AGAP1: variants seen among roughly 807,000 people sequenced by gnomAD.
AGAP1 encodes arf-GAP with GTPase, ANK repeat and PH domain-containing protein 1.
In AGAP1, 29 loss-of-function variants were observed where a neutral mutation model predicts 105.3. That is an observed-to-expected ratio of 0.28 (90% CI 0.21 to 0.38). The LOEUF (loss-of-function observed/expected upper bound fraction) is 0.38, where lower values mean the gene tolerates loss of function less well. Among genes scored for constraint, AGAP1 ranks in the 10% least tolerant of loss-of-function variants. The pLI, the probability that AGAP1 is intolerant of heterozygous loss-of-function variation, is 1.00. For synonymous variants in AGAP1, 509 were observed against 485.9 expected (o/e 1.05, Z -0.63); for missense variants, 998 against 1,165.1 (o/e 0.86, Z 2.09).
chr2:235,571,627 G>A (rs1184868474), intron 1 of AGAP1, among the ~76,000 whole-genome samples: 4 of 152,014 alleles, frequency 2.6e-5, no homozygotes, highest in Non-Finnish European at 5.9e-5. Flanking sequence ...TTATTTCCTG[G>A]GTAGCCCTTT....
intron 1 of AGAP1, among the ~76,000 whole-genome samples, chr2:235,627,740 T>C (rs1379090798): frequency 2.0e-5 from 3 of 152,134 alleles, no homozygotes; most frequent in South Asian, 2.1e-4. Context: ...GCAATACTCC[T>C]GTTTGAGATT....
intron 6 of AGAP1, among the ~76,000 whole-genome samples, chr2:235,764,544 G>A (rs1954752847): frequency 6.6e-6 from 1 of 152,260 alleles, no homozygotes; most frequent in South Asian, 2.1e-4. Flanking sequence ...GTCACTGACA[G>A]GTCACTGCCA....
chr2:236,055,348 C>T lies in AGAP1; in HGVS notation c.2114+6067C>T, dbSNP rs78171557. 9.4e-3 allele frequency among the ~76,000 whole-genome samples: 1,427 copies of T among 152,326 alleles called. 20 individuals carry two copies. Among genetic ancestry groups the T allele is most frequent in the African/African-American group, 0.031 (1,300 of 41,576 alleles). On this transcript the variant is annotated intron_variant, in intron 16 of 17. Transcript: ENST00000304032. The surrounding 1 kb of genome is among the most constrained non-coding windows in gnomAD (Gnocchi z 6.2). ...TGTGTGGCTTTATGTGCCTTGTTTT[C>T]ATGTGTTTCTTTCAGTGCTCTCAGG...
chr2:236,098,405 T>C (rs9287596), intron 16 of AGAP1, among the ~76,000 whole-genome samples: 20,253 of 151,648 alleles, frequency 0.13, 1,909 homozygotes, highest in African/African-American at 0.26. Context: ...ACTTCATCTT[T>C]GCTAAAAATA....
In AGAP1 at chr2:235,665,082, G is replaced by A. The variant is rs184397727; in HGVS notation, c.164-44097G>A. On this transcript the variant is annotated intron_variant, in intron 1 of 17. Transcript: ENST00000304032. This position sits in a 1 kb window ranked among gnomAD's most constrained non-coding sequence, Gnocchi z 5.3. Reference sequence around the variant, plus strand: ...ACAAAAAAATTTAAAAATTAGCCAGGGGTGGTGACATGTGCCTGTGGTCCC... The same window carrying A: ...ACAAAAAAATTTAAAAATTAGCCAGAGGTGGTGACATGTGCCTGTGGTCCC... Among the ~76,000 whole-genome samples, 35 of 152,246 alleles carry A rather than the reference G, an allele frequency of 2.3e-4. No individual in the cohort carries two copies. Among genetic ancestry groups the A allele is most frequent in the African/African-American group, 7.0e-4 (29 of 41,544 alleles).
At position 235,992,282 on chromosome 2, in the gene AGAP1, C is replaced by T. The variant is rs911515053; in HGVS notation, c.1645+23659C>T. Reference sequence around the variant, plus strand: ...CTGGGTTTGAGTTGCAGCTCCACCTCTTCCTGGCGGGTGGCCTGGGCGAGT... The same window carrying T: ...CTGGGTTTGAGTTGCAGCTCCACCTTTTCCTGGCGGGTGGCCTGGGCGAGT... On this transcript the variant is annotated intron_variant, in intron 13 of 17. Coordinates refer to ENST00000304032, the MANE Select transcript of AGAP1 (RefSeq NM_001037131.3). This position sits in a 1 kb window ranked among gnomAD's most constrained non-coding sequence, Gnocchi z 4.8. Among the ~76,000 whole-genome samples, 4 of 152,236 alleles carry T rather than the reference C, an allele frequency of 2.6e-5. No homozygotes were observed. The highest frequency in any genetic ancestry group is 1.3e-4 in the Admixed American group (2 of 15,288).
intron 1 of AGAP1, among the ~76,000 whole-genome samples, chr2:235,641,098 A>C: frequency 6.6e-6 from 1 of 152,214 alleles, no homozygotes; most frequent in East Asian, 1.9e-4. Context: ...GTGATTAGAG[A>C]GTATTTCCCA....
chr2:236,016,857 T>C (rs887030523), intron 13 of AGAP1, among the ~76,000 whole-genome samples: 11 of 152,202 alleles, frequency 7.2e-5, no homozygotes, highest in African/African-American at 2.7e-4. Flanking sequence ...TTCTCAGTTA[T>C]AGTAAGTTTC....
intron 1 of AGAP1, among the ~76,000 whole-genome samples, chr2:235,518,329 T>C (rs1193147559): frequency 6.6e-6 from 1 of 152,230 alleles, no homozygotes; most frequent in Non-Finnish European, 1.5e-5. Flanking sequence ...TCTCCTCCAC[T>C]GACAGTGATC....
rs1031442908 is a variant in AGAP1, at chr2:236,096,351, A to G, written c.2115-23841A>G. On this transcript the variant is annotated intron_variant, in intron 16 of 17. Coordinates refer to ENST00000304032, the MANE Select transcript of AGAP1 (RefSeq NM_001037131.3). The surrounding 1 kb of genome is among the most constrained non-coding windows in gnomAD (Gnocchi z 4.4). ...ACCCATCTCTACTAAAAATACAAAAATTAGCTGGGCATGGTGGTGTGCACC... is the reference window on the plus strand; with the variant it reads ...ACCCATCTCTACTAAAAATACAAAAGTTAGCTGGGCATGGTGGTGTGCACC... 6.6e-6 allele frequency among the ~76,000 whole-genome samples: 1 copy of G among 151,900 alleles called. No individual in the cohort carries two copies. The highest frequency in any genetic ancestry group is 1.5e-5 in the Non-Finnish European group (1 of 67,996).
In AGAP1 at chr2:235,928,307, G is replaced by A. The variant is rs1328828612; in HGVS notation, c.1325-2458G>A. On this transcript the variant is annotated intron_variant, in intron 11 of 17. Transcript: ENST00000304032. Reference sequence around the variant, plus strand: ...CTCCCCAAACGCACCTTCGATGGGTGGATGTGTGGGATTGAGAGAGAGAAG... The same window carrying A: ...CTCCCCAAACGCACCTTCGATGGGTAGATGTGTGGGATTGAGAGAGAGAAG... 3.3e-5 allele frequency among the ~76,000 whole-genome samples: 5 copies of A among 152,210 alleles called. No homozygotes were observed. The East Asian group carries it at 9.6e-4, about 29-fold the overall frequency.
intron 11 of AGAP1, among the ~76,000 whole-genome samples, chr2:235,925,035 CAGGGAAGGATGGAAGGGA>C (rs1242901464): frequency 6.6e-6 from 1 of 152,134 alleles, no homozygotes; most frequent in African/African-American, 2.4e-5. Flanking sequence ...GAGTGGAAGT[CAGGGAAGGATGGAAGGGA>C]AGGGAAGAAT....
In AGAP1 at chr2:235,993,654, G is replaced by A. The variant is rs148148038; in HGVS notation, c.1645+25031G>A. ...GAATGTTGCAGCCTGTGTCCCTGTT[G>A]GAGTTTTTGCTGCCCAATACCAAAT... On this transcript the variant is annotated intron_variant, in intron 13 of 17. Transcript: ENST00000304032. The surrounding 1 kb of genome is among the most constrained non-coding windows in gnomAD (Gnocchi z 5.0). 0.016 allele frequency among the ~76,000 whole-genome samples: 2,478 copies of A among 152,252 alleles called. 21 individuals are homozygous for A. The highest frequency in any genetic ancestry group is 0.027 in the Non-Finnish European group (1,835 of 68,018).
intron 9 of AGAP1, among the ~76,000 whole-genome samples, chr2:235,859,569 C>CCCT (rs2048839159): frequency 6.8e-6 from 1 of 147,572 alleles, no homozygotes; most frequent in Non-Finnish European, 1.5e-5. Flanking sequence ...GTTCCTGCTT[C>CCCT]CCTTTTCTAA....
intron 1 of AGAP1, among the ~76,000 whole-genome samples, chr2:235,496,697 C>T (rs950320676): frequency 2.6e-5 from 4 of 152,114 alleles, no homozygotes; most frequent in Non-Finnish European, 4.4e-5. Flanking sequence ...GGCTCAAGCA[C>T]TTCCAGCAAA....
chr2:235,838,333 T>C (rs538795255), intron 9 of AGAP1, among the ~76,000 whole-genome samples: 14 of 152,354 alleles, frequency 9.2e-5, no homozygotes, highest in South Asian at 2.1e-4. Flanking sequence ...CATTGGTGAA[T>C]ATTTTGCCTC....
intron 11 of AGAP1, among the ~76,000 whole-genome samples, chr2:235,915,672 C>CA (rs1368731477): frequency 6.6e-6 from 1 of 150,704 alleles, no homozygotes; most frequent in East Asian, 1.9e-4. Context: ...AGGCCTGTGT[C>CA]AAAAAAATAA....
chr2:235,568,467 G>A (rs1030950065), intron 1 of AGAP1, among the ~76,000 whole-genome samples: 2 of 152,180 alleles, frequency 1.3e-5, no homozygotes, highest in Admixed American at 6.5e-5. Context: ...TCCTAAAGCC[G>A]CTAGCACTTA....
At chr2:235,796,052 A>T (rs935910576) in intron 6 of AGAP1, among the ~76,000 whole-genome samples, 1 of 152,214 alleles carries the variant, frequency 6.6e-6, no homozygotes, top group Non-Finnish European at 1.5e-5. Flanking sequence ...TTTAATTCTG[A>T]CATCTGCACA....
Sources: gnomAD v4.1 joint callset for allele counts (sites outside exome capture counted in the v4.1 genomes callset) on GRCh38, gnomAD v4.1.1 for gene constraint, Gnocchi (gnomAD v3.1) non-coding constraint, MANE v1.5 for transcripts, NCBI Gene and HGNC (gene_info 2026-07-23, HGNC 2026-07-21) for gene names.